The following FHIT variants were observed in gnomAD, a reference collection of about 807,000 sequenced individuals.
FHIT encodes the protein bis(5'-adenosyl)-triphosphatase.
A neutral mutation model predicts 17.9 loss-of-function variants in FHIT; 19 were observed. That is an observed-to-expected ratio of 1.06 (90% CI 0.74 to 1.56). FHIT has a LOEUF of 1.56. Among genes scored for constraint, FHIT ranks in the 40% most tolerant of loss-of-function variants. FHIT has a pLI of 0.00. For missense variants in FHIT, 248 were observed against 189.2 expected (o/e 1.31, Z -1.82); for synonymous variants, 81 against 69.7 (o/e 1.16, Z -0.81).
chr3:59,982,599 C>G (rs922654474), intron 7 of FHIT, among the ~76,000 whole-genome samples: 1 of 152,178 alleles, frequency 6.6e-6, no homozygotes, highest in African/African-American at 2.4e-5. Flanking sequence ...CCTCTTTAAT[C>G]TGCTTTAAGA....
chr3:61,226,417 T>C (rs556806006), intron 1 of FHIT, among the ~76,000 whole-genome samples: 6 of 152,176 alleles, frequency 3.9e-5, no homozygotes, highest in Non-Finnish European at 8.8e-5. Flanking sequence ...ATTACCCTGA[T>C]AGTCCAGGAA....
At chr3:60,568,435 C>T (rs552368045) in intron 4 of FHIT, among the ~76,000 whole-genome samples, 9 of 151,402 alleles carry the variant, frequency 5.9e-5, no homozygotes, top group South Asian at 4.2e-4. Context: ...GGAAGGGGAA[C>T]ATCACACACC....
rs564369987 is a variant in FHIT, at chr3:60,998,591, T to G, written c.-111+43456A>C. 2.0e-3 allele frequency among the ~76,000 whole-genome samples: 312 copies of G among 152,244 alleles called. 1 individual carries two copies. Among genetic ancestry groups the G allele is most frequent in the African/African-American group, 7.4e-3 (307 of 41,574 alleles). ...ATTCAGAAAGAAATATGAGAATTCA[T>G]CTGGCTCATTGTCACATACATTTTT... On this transcript the variant is annotated intron_variant, in intron 3 of 9. Transcript: ENST00000492590.
At chr3:60,933,991 T>A (rs900906615) in intron 3 of FHIT, among the ~76,000 whole-genome samples, 7 of 152,194 alleles carry the variant, frequency 4.6e-5, no homozygotes, top group Non-Finnish European at 7.3e-5. Context: ...GGGCATGGAA[T>A]GGGGCCAGAA....
intron 5 of FHIT, among the ~76,000 whole-genome samples, chr3:60,095,907 C>T (rs1220218411): frequency 1.3e-5 from 2 of 152,202 alleles, no homozygotes; most frequent in African/African-American, 2.4e-5. Context: ...CCCAGAGCTC[C>T]TGTTTCCCAT....
At chr3:60,164,290 G>C (rs1474995633) in intron 5 of FHIT, among the ~76,000 whole-genome samples, 1 of 152,150 alleles carries the variant, frequency 6.6e-6, no homozygotes, top group Admixed American at 6.5e-5. Context: ...AGCACAAACA[G>C]GTGTCAGAAT....
In FHIT at chr3:60,366,555, C is replaced by T. The variant is rs1270303222; in HGVS notation, c.103+170305G>A. On this transcript the variant is annotated intron_variant, in intron 5 of 9. Coordinates refer to ENST00000492590, the MANE Select transcript of FHIT (RefSeq NM_002012.4). ...AGTGATTAGGTTATGGTGCTCTACC[C>T]TCATGAATGGATTAATGCTGTTACC... 2.6e-5 allele frequency among the ~76,000 whole-genome samples: 4 copies of T among 152,162 alleles called. No individual in the cohort carries two copies. In the South Asian group the frequency reaches 8.3e-4, roughly 32 times the overall value.
intron 3 of FHIT, among the ~76,000 whole-genome samples, chr3:60,890,220 G>GAAAAAAAAAAA (rs1705440501): frequency 5.9e-5 from 1 of 16,852 alleles, no homozygotes; most frequent in Non-Finnish European, 1.1e-4. Flanking sequence ...CTTCCATGAT[G>GAAAAAAAAAAA]TAAAAAAAAA....
intron 4 of FHIT, among the ~76,000 whole-genome samples, chr3:60,598,185 TG>T (rs1553667368): frequency 6.6e-6 from 1 of 152,122 alleles, no homozygotes; most frequent in Non-Finnish European, 1.5e-5. Flanking sequence ...AAACAAGATT[TG>T]GGGGGACAAT....
chr3:60,842,626 A>ATATAT (rs1702767881), intron 3 of FHIT, among the ~76,000 whole-genome samples: 2 of 79,616 alleles, frequency 2.5e-5, no homozygotes, highest in African/African-American at 1.0e-4. Context: ...TATATATATG[A>ATATAT]GTGTATATAT....
At chr3:59,803,039 G>A (rs987884091) in intron 8 of FHIT, among the ~76,000 whole-genome samples, 11 of 152,086 alleles carry the variant, frequency 7.2e-5, no homozygotes, top group South Asian at 2.1e-4. Flanking sequence ...TATCCCCAGC[G>A]CTGCCTAGCT....
chr3:60,882,337 T>C (rs999535921), intron 3 of FHIT, among the ~76,000 whole-genome samples: 7 of 152,192 alleles, frequency 4.6e-5, no homozygotes, highest in Admixed American at 6.5e-5. Context: ...CAAACTCTTC[T>C]AGAAAATAAA....
intron 5 of FHIT, among the ~76,000 whole-genome samples, chr3:60,238,317 T>C (rs1704922362): frequency 6.6e-6 from 1 of 151,866 alleles, no homozygotes; most frequent in African/African-American, 2.4e-5. Flanking sequence ...ATGGCTACTG[T>C]ACTTACTCTA....
intron 4 of FHIT, among the ~76,000 whole-genome samples, chr3:60,614,697 AAATT>A (rs1186151185): frequency 6.6e-6 from 1 of 152,134 alleles, no homozygotes; most frequent in Non-Finnish European, 1.5e-5. Flanking sequence ...GACAGCATAG[AAATT>A]ATTTATTAAA....
chr3:61,072,798 G>A (rs1485640593), intron 2 of FHIT, among the ~76,000 whole-genome samples: 1 of 151,992 alleles, frequency 6.6e-6, no homozygotes, highest in Non-Finnish European at 1.5e-5. Context: ...AGAGAGCAGA[G>A]TTCAACAAAT....
chr3:60,652,809 C>T (rs1041516306), intron 4 of FHIT, among the ~76,000 whole-genome samples: 2 of 150,970 alleles, frequency 1.3e-5, no homozygotes, highest in African/African-American at 4.9e-5. Flanking sequence ...ACTCAGGAGG[C>T]TGAGGCAGGA....
At chr3:60,574,117 T>C (rs2037483248) in intron 4 of FHIT, among the ~76,000 whole-genome samples, 1 of 152,144 alleles carries the variant, frequency 6.6e-6, no homozygotes, top group Non-Finnish European at 1.5e-5. Flanking sequence ...GTTAGTATTA[T>C]GTACTTCTGA....
chr3:61,093,488 T>C (rs1284502974), intron 2 of FHIT, among the ~76,000 whole-genome samples: 3 of 152,096 alleles, frequency 2.0e-5, no homozygotes, highest in Admixed American at 6.5e-5. Flanking sequence ...CAAGCCAAAA[T>C]GCCAATAATG....
chr3:60,996,992 A>G (rs995629771), intron 3 of FHIT, among the ~76,000 whole-genome samples: 13 of 152,216 alleles, frequency 8.5e-5, no homozygotes, highest in Non-Finnish European at 2.9e-5. Flanking sequence ...GAAATTATTA[A>G]CTCCCTGAAT....
Sources: gnomAD v4.1 joint callset for allele counts (sites outside exome capture counted in the v4.1 genomes callset) on GRCh38, gnomAD v4.1.1 for gene constraint, MANE v1.5 for transcripts, NCBI Gene and HGNC (gene_info 2026-07-23, HGNC 2026-07-21) for gene names.